SRGAP2: variants seen among roughly 807,000 people sequenced by gnomAD.
SRGAP2 encodes the protein SLIT-ROBO Rho GTPase activating protein 2, also known as SLIT-ROBO Rho GTPase-activating protein 2.
In SRGAP2, 15 loss-of-function variants were observed where a neutral mutation model predicts 57.2. The ratio of observed to expected loss-of-function variants is 0.26; its 90% CI spans 0.18 to 0.40. The LOEUF (loss-of-function observed/expected upper bound fraction) is 0.40. Among genes scored for constraint, SRGAP2 ranks in the 10% least tolerant of loss-of-function variants. The probability of loss-of-function intolerance (pLI) is 1.00; values close to 1 mark genes in which losing one functional copy is unlikely to be tolerated. For synonymous variants in SRGAP2, 249 were observed against 248.0 expected, an observed-to-expected ratio of 1.00 and a Z score of -0.04; for missense variants, 520 against 669.6, an observed-to-expected ratio of 0.78 and a Z score of 2.47.
chr1:206,456,772 G>A (rs1663874919), intron 21 of SRGAP2, among the ~76,000 whole-genome samples: 1 of 151,976 alleles, frequency 6.6e-6, no homozygotes, highest in Non-Finnish European at 1.5e-5. Flanking sequence ...CCTTAGAAGT[G>A]AGTCGGCCTT....
chr1:206,340,474 A>G (rs1675099567), intron 3 of SRGAP2, among the ~76,000 whole-genome samples: 2 of 151,502 alleles, frequency 1.3e-5, no homozygotes, highest in Non-Finnish European at 2.9e-5. Flanking sequence ...TTGTGGCATT[A>G]TTTGTGTGTA....
intron 21 of SRGAP2, among the ~76,000 whole-genome samples, chr1:206,456,417 C>T (rs1663837379): frequency 6.6e-6 from 1 of 152,150 alleles, no homozygotes; most frequent in African/African-American, 2.4e-5. Context: ...CATTTTTTTC[C>T]TTATTTACAA....
At chr1:206,322,040 T>TAC (rs1231445514) in intron 3 of SRGAP2, among the ~76,000 whole-genome samples, 2 of 148,696 alleles carry the variant, frequency 1.3e-5, no homozygotes, top group African/African-American at 2.5e-5. Flanking sequence ...CATAGACACA[T>TAC]ACACACACAC....
chr1:206,431,517 G>A (rs1399597705), intron 14 of SRGAP2, among the ~76,000 whole-genome samples: 1 of 152,226 alleles, frequency 6.6e-6, no homozygotes, highest in Non-Finnish European at 1.5e-5. Flanking sequence ...AGGGGAGGAT[G>A]AATTATTTGT....
In SRGAP2 at chr1:206,461,567, C is replaced by T; in HGVS notation, c.*147C>T. The T allele has an allele frequency of 1.6e-6, 1 of 643,660 alleles. No individual in the cohort carries two copies. Among genetic ancestry groups the T allele is most frequent in the South Asian group, 2.0e-5 (1 of 50,768 alleles). The allele number at this position is 643,660 out of a possible 1,614,324, so 39.9% of individuals were successfully genotyped here. A position where few individuals can be genotyped will look rare whatever the true frequency, so the allele number is the denominator to read the frequency against. ...AATTAGCCTCCCCGTCTCCCAAAAC[C>T]TTGAGAATGAAGCCCTTGGTATCGC... On this transcript the variant is annotated 3_prime_UTR_variant, in exon 23 of 23. Coordinates refer to ENST00000573034, the MANE Select transcript of SRGAP2 (RefSeq NM_015326.5).
intron 3 of SRGAP2, among the ~76,000 whole-genome samples, chr1:206,328,142 AT>A (rs1478978319): frequency 4.9e-5 from 5 of 101,596 alleles, no homozygotes; most frequent in Non-Finnish European, 9.0e-5. Flanking sequence ...TGAACTCATC[AT>A]TTTTTATGGC....
chr1:206,402,513 G>A (rs1347810945), intron 8 of SRGAP2, among the ~76,000 whole-genome samples: 1 of 152,242 alleles, frequency 6.6e-6, no homozygotes, highest in Non-Finnish European at 1.5e-5. Flanking sequence ...ATTAGAAGGA[G>A]GTTGTATAGG....
chr1:206,459,225 G>A (rs782693090), intron 22 of SRGAP2, among the ~76,000 whole-genome samples: 4 of 152,152 alleles, frequency 2.6e-5, no homozygotes, highest in African/African-American at 4.8e-5. Flanking sequence ...TTTTAAAGCC[G>A]GTATTAAGAG....
chr1:206,425,459 A>G (rs1553365956), intron 13 of SRGAP2, among the ~76,000 whole-genome samples: 1 of 152,220 alleles, frequency 6.6e-6, no homozygotes, highest in Non-Finnish European at 1.5e-5. Flanking sequence ...CTACTGTGCT[A>G]TCAAACATTA....
intron 13 of SRGAP2, 68 bp from the exon 14 acceptor site, chr1:206,430,094 C>T (rs782016166): frequency 3.6e-4 from 283 of 777,000 alleles, no homozygotes; most frequent in Admixed American, 7.0e-4. Flanking sequence ...CGGTTTGGCC[C>T]GTTTTCTCTG....
intron 12 of SRGAP2, 108 bp downstream of exon 12, chr1:206,419,508 T>A: frequency 1.3e-6 from 1 of 751,812 alleles, no homozygotes; most frequent in South Asian, 1.4e-5. Context: ...ATTGAATGAC[T>A]TTACAAAGCA....
chr1:206,436,064 C>T (rs1661715619), intron 14 of SRGAP2, among the ~76,000 whole-genome samples: 1 of 151,516 alleles, frequency 6.6e-6, no homozygotes, highest in East Asian at 1.9e-4. Flanking sequence ...AATTCGTAAA[C>T]TTTCTTACAA....
intron 3 of SRGAP2, among the ~76,000 whole-genome samples, chr1:206,333,875 A>G (rs1297744824): frequency 3.9e-5 from 6 of 152,136 alleles, no homozygotes; most frequent in African/African-American, 1.4e-4. Flanking sequence ...TTCCTTAAGG[A>G]CCTGAACTTG....
intron 7 of SRGAP2, among the ~76,000 whole-genome samples, chr1:206,397,414 C>G (rs1415583443): frequency 6.6e-6 from 1 of 152,058 alleles, no homozygotes; most frequent in African/African-American, 2.4e-5. Context: ...CTGTTGCAGT[C>G]CATTGCCATC....
intron 3 of SRGAP2, among the ~76,000 whole-genome samples, chr1:206,305,453 C>T (rs1440998015): frequency 6.6e-6 from 1 of 152,186 alleles, no homozygotes; most frequent in Non-Finnish European, 1.5e-5. Context: ...ATCTCAGGTG[C>T]TCCCTGTTCC....
At chr1:206,283,329 T>A (rs1165184038) in intron 2 of SRGAP2, among the ~76,000 whole-genome samples, 1 of 149,558 alleles carries the variant, frequency 6.7e-6, no homozygotes, top group African/African-American at 2.5e-5. Flanking sequence ...ATTACTGGAG[T>A]CTGACTAAAA....
intron 4 of SRGAP2, among the ~76,000 whole-genome samples, chr1:206,344,513 TC>T (rs1675470518): frequency 7.1e-6 from 1 of 141,390 alleles, no homozygotes. Context: ...TTTTGACAGC[TC>T]GTCTCTATGA....
rs555388350 is a variant in SRGAP2, at chr1:206,433,715, A to C, written c.1556-3250A>C. Reference sequence around the variant, plus strand: ...AAATGGAATGCAGACAGTAACATATAAACCTAACTGTATTACAAGTGAATA... The same window carrying C: ...AAATGGAATGCAGACAGTAACATATCAACCTAACTGTATTACAAGTGAATA... On this transcript the variant is annotated intron_variant, in intron 14 of 22. Coordinates refer to ENST00000573034, the MANE Select transcript of SRGAP2 (RefSeq NM_015326.5). Among the ~76,000 whole-genome samples the C allele has an allele frequency of 1.1e-4, 16 of 152,294 alleles. 1 individual carries two copies. The highest frequency in any genetic ancestry group is 3.8e-4 in the African/African-American group (16 of 41,578).
chr1:206,222,460 TG>T (rs1282745191), intron 2 of SRGAP2, among the ~76,000 whole-genome samples: 1 of 139,882 alleles, frequency 7.1e-6, no homozygotes, highest in Non-Finnish European at 1.5e-5. Context: ...ACATATGGGT[TG>T]TTTCCTATTT....
Sources: gnomAD v4.1 joint callset for allele counts (sites outside exome capture counted in the v4.1 genomes callset) on GRCh38, gnomAD v4.1.1 for gene constraint, MANE v1.5 for transcripts, NCBI Gene and HGNC (gene_info 2026-07-23, HGNC 2026-07-21) for gene names.